The following FBXL17 variants were observed in gnomAD, a reference collection of about 807,000 sequenced individuals.
FBXL17 encodes the protein F-box/LRR-repeat protein 17.
In FBXL17, 22 loss-of-function variants were observed where a neutral mutation model predicts 66.2. That is an observed-to-expected ratio of 0.33 (90% CI 0.24 to 0.47). The LOEUF is 0.47. Among genes scored for constraint, FBXL17 ranks in the 20% least tolerant of loss-of-function variants. The probability of loss-of-function intolerance (pLI) is 1.00; values close to 1 mark genes in which losing one functional copy is unlikely to be tolerated. For missense variants in FBXL17, 878 were observed against 948.2 expected (o/e 0.93, Z 0.97); for synonymous variants, 474 against 400.5 (o/e 1.18, Z -2.19).
intron 4 of FBXL17, among the ~76,000 whole-genome samples, chr5:108,336,517 C>G (rs1760389095): frequency 6.6e-6 from 1 of 152,008 alleles, no homozygotes; most frequent in Non-Finnish European, 1.5e-5. Context: ...GGATGAAATA[C>G]TGAAACAAAC....
chr5:108,091,266 C>T (rs1734213244), intron 6 of FBXL17, among the ~76,000 whole-genome samples: 1 of 152,344 alleles, frequency 6.6e-6, no homozygotes, highest in South Asian at 2.1e-4. Context: ...GTAATACCAA[C>T]AACAGTATTT....
chr5:107,894,235 C>T (rs999446700), intron 7 of FBXL17, among the ~76,000 whole-genome samples: 42 of 152,130 alleles, frequency 2.8e-4, no homozygotes, highest in African/African-American at 1.0e-3. Context: ...CACCTATATC[C>T]AGCTGATGAA....
At chr5:107,988,497 C>T (rs534423648) in intron 7 of FBXL17, among the ~76,000 whole-genome samples, 8 of 151,940 alleles carry the variant, frequency 5.3e-5, no homozygotes, top group Middle Eastern at 3.4e-3. Context: ...TCCTTTTCTA[C>T]GTTTAGTTTT....
intron 7 of FBXL17, among the ~76,000 whole-genome samples, chr5:107,887,437 C>T (rs952543092): frequency 3.3e-5 from 5 of 152,174 alleles, no homozygotes; most frequent in Non-Finnish European, 7.3e-5. Flanking sequence ...GTTCTATCTT[C>T]TGCTATGGAT....
Position 107,968,749 on chromosome 5 carries a change from A to G in FBXL17, c.1822+52176T>C, listed in dbSNP as rs543364784. Among the ~76,000 whole-genome samples, 21 of 152,296 alleles carry G rather than the reference A, an allele frequency of 1.4e-4. No homozygotes were observed. The South Asian group carries it at 4.1e-3, about 30-fold the overall frequency. On this transcript the variant is annotated intron_variant, in intron 7 of 8. Coordinates refer to ENST00000542267, the MANE Select transcript of FBXL17 (RefSeq NM_001163315.3). ...GAATGCCATATCAAATGCACTCTGT[A>G]CTTTCTTTATAGGAAAGCCTTATGA... is the stretch of plus-strand genomic sequence containing the variant.
chr5:108,315,186 A>T (rs1759304635), intron 4 of FBXL17, among the ~76,000 whole-genome samples: 1 of 151,144 alleles, frequency 6.6e-6, no homozygotes, highest in South Asian at 2.1e-4. Context: ...AAGGTAATTT[A>T]AAAAATCAAA....
intron 7 of FBXL17, among the ~76,000 whole-genome samples, chr5:107,994,944 G>A (rs533031272): frequency 2.6e-5 from 4 of 152,222 alleles, no homozygotes; most frequent in East Asian, 3.9e-4. Context: ...ATTAATCAAC[G>A]TGGTTAAAAG....
intron 6 of FBXL17, among the ~76,000 whole-genome samples, chr5:108,110,067 G>T (rs1390862555): frequency 6.6e-6 from 1 of 151,882 alleles, no homozygotes; most frequent in Non-Finnish European, 1.5e-5. Context: ...ATAGCCTATT[G>T]GTACCACACA....
chr5:107,960,315 T>C (rs1450618322), intron 7 of FBXL17, among the ~76,000 whole-genome samples: 1 of 152,218 alleles, frequency 6.6e-6, no homozygotes, highest in Non-Finnish European at 1.5e-5. Context: ...ATTTTTGTGG[T>C]GAGAACATTG....
intron 6 of FBXL17, among the ~76,000 whole-genome samples, chr5:108,106,772 T>G (rs898543612): frequency 6.6e-6 from 1 of 152,186 alleles, no homozygotes; most frequent in Non-Finnish European, 1.5e-5. Context: ...AGTGATGCTA[T>G]GGGTTACAGA....
intron 6 of FBXL17, among the ~76,000 whole-genome samples, chr5:108,027,387 TA>T (rs1249563468): frequency 2.6e-5 from 4 of 152,190 alleles, no homozygotes; most frequent in African/African-American, 7.2e-5. Context: ...TCTTGCTTTT[TA>T]ATTTTAGCCA....
intron 6 of FBXL17, among the ~76,000 whole-genome samples, chr5:108,067,597 G>A (rs375500481): frequency 6.6e-6 from 1 of 152,078 alleles, no homozygotes; most frequent in Non-Finnish European, 1.5e-5. Flanking sequence ...GGTCGTTTGT[G>A]TTTGTACATT....
At chr5:108,133,862 C>T (rs12652883) in intron 6 of FBXL17, among the ~76,000 whole-genome samples, 18,629 of 152,070 alleles carry the variant, frequency 0.12, 1,348 homozygotes, top group Admixed American at 0.16. Flanking sequence ...AGTTGGCACA[C>T]GTAAAACATT....
intron 7 of FBXL17, among the ~76,000 whole-genome samples, chr5:107,944,906 A>C (rs1751230714): frequency 6.6e-6 from 1 of 152,088 alleles, no homozygotes; most frequent in Admixed American, 6.6e-5. Flanking sequence ...AAACTGAACA[A>C]AGCAAAAGAT....
intron 7 of FBXL17, among the ~76,000 whole-genome samples, chr5:107,975,413 C>A (rs1433347111): frequency 6.6e-6 from 1 of 152,146 alleles, no homozygotes; most frequent in East Asian, 1.9e-4. Flanking sequence ...AGATTACATA[C>A]AGAAATGTCA....
At chr5:108,234,344 C>T (rs1755502080) in intron 4 of FBXL17, among the ~76,000 whole-genome samples, 1 of 152,158 alleles carries the variant, frequency 6.6e-6, no homozygotes, top group Non-Finnish European at 1.5e-5. Context: ...CTCTATCCAT[C>T]ATCTGAGAGC....
At chr5:108,089,041 C>T (rs369370144) in intron 6 of FBXL17, among the ~76,000 whole-genome samples, 5 of 152,246 alleles carry the variant, frequency 3.3e-5, no homozygotes, top group East Asian at 3.9e-4. Context: ...AATAGTTTTA[C>T]GTAAAATCCC....
intron 3 of FBXL17, among the ~76,000 whole-genome samples, chr5:108,360,738 G>GA (rs1748292155): frequency 6.6e-6 from 1 of 151,912 alleles, no homozygotes; most frequent in Non-Finnish European, 1.5e-5. Flanking sequence ...CTGCTTGATG[G>GA]ATGTCCCACC....
At chr5:108,071,230 T>C (rs1221437165) in intron 6 of FBXL17, among the ~76,000 whole-genome samples, 1 of 152,206 alleles carries the variant, frequency 6.6e-6, no homozygotes, top group Non-Finnish European at 1.5e-5. Flanking sequence ...CACTTTAGTA[T>C]TGTGTTTCAG....
Sources: gnomAD v4.1 joint callset for allele counts (sites outside exome capture counted in the v4.1 genomes callset) on GRCh38, gnomAD v4.1.1 for gene constraint, MANE v1.5 for transcripts, NCBI Gene and HGNC (gene_info 2026-07-23, HGNC 2026-07-21) for gene names.